Variants in ZCCHC7 observed in about 807,000 individuals in gnomAD.
ZCCHC7 encodes zinc finger CCHC-type containing 7.
In ZCCHC7, 35 loss-of-function variants were observed where a neutral mutation model predicts 52.0. The ratio of observed to expected loss-of-function variants is 0.67; its 90% CI spans 0.51 to 0.89. The LOEUF is 0.89. Among genes scored for constraint, ZCCHC7 ranks in the 40% least tolerant of loss-of-function variants. ZCCHC7 has a pLI of 0.00. For missense variants in ZCCHC7, 574 were observed against 649.1 expected (o/e 0.88, Z 1.26); for synonymous variants, 217 against 221.5 (o/e 0.98, Z 0.18).
intron 2 of ZCCHC7, among the ~76,000 whole-genome samples, chr9:37,253,767 G>A (rs1360526916): frequency 1.3e-5 from 2 of 151,852 alleles, no homozygotes; most frequent in East Asian, 1.9e-4. Flanking sequence ...AAACAAAACC[G>A]TTTTTATGAT....
chr9:37,171,174 G>A (rs2132979087), intron 2 of ZCCHC7, among the ~76,000 whole-genome samples: 1 of 152,340 alleles, frequency 6.6e-6, no homozygotes, highest in Non-Finnish European at 1.5e-5. Flanking sequence ...GGGAAGAAAT[G>A]TGTACAATTG....
chr9:37,323,991 A>G (rs1830147697), intron 5 of ZCCHC7, among the ~76,000 whole-genome samples: 1 of 152,168 alleles, frequency 6.6e-6, no homozygotes, highest in Admixed American at 6.5e-5. Flanking sequence ...TGCATATGGA[A>G]CAGTTAAGAT....
chr9:37,332,021 G>T (rs1454470203), intron 6 of ZCCHC7, among the ~76,000 whole-genome samples: 1 of 151,470 alleles, frequency 6.6e-6, no homozygotes, highest in Non-Finnish European at 1.5e-5. Context: ...TTTTGTTTTG[G>T]TAGTTCAACT....
chr9:37,206,197 A>G (rs765473376), intron 2 of ZCCHC7, among the ~76,000 whole-genome samples: 5 of 152,028 alleles, frequency 3.3e-5, no homozygotes, highest in South Asian at 2.1e-4. Context: ...CCATCCCCAC[A>G]CAAGAGAATA....
intron 2 of ZCCHC7, among the ~76,000 whole-genome samples, chr9:37,281,034 A>G (rs895954125): frequency 5.9e-5 from 9 of 152,158 alleles, no homozygotes; most frequent in African/African-American, 2.4e-5. Context: ...GTTTCTTAAC[A>G]TTTTTCATAA....
chr9:37,174,231 C>T (rs1821893504), intron 2 of ZCCHC7, among the ~76,000 whole-genome samples: 2 of 152,082 alleles, frequency 1.3e-5, no homozygotes, highest in African/African-American at 2.4e-5. Context: ...ATCGCTTGAA[C>T]CTGGGAGGCG....
chr9:37,243,011 C>G (rs919091634), intron 2 of ZCCHC7, among the ~76,000 whole-genome samples: 1 of 151,712 alleles, frequency 6.6e-6, no homozygotes, highest in Admixed American at 6.6e-5. Flanking sequence ...ATAAGAAGCA[C>G]ATTTATTTTT....
At chr9:37,139,627 T>C (rs2132761538) in intron 2 of ZCCHC7, among the ~76,000 whole-genome samples, 1 of 152,124 alleles carries the variant, frequency 6.6e-6, no homozygotes, top group Non-Finnish European at 1.5e-5. Flanking sequence ...AGAGCATCTG[T>C]TCTTAATCTC....
chr9:37,145,996 T>C (rs1372947615), intron 2 of ZCCHC7, among the ~76,000 whole-genome samples: 2 of 151,952 alleles, frequency 1.3e-5, no homozygotes, highest in Non-Finnish European at 2.9e-5. Context: ...TGAATATACC[T>C]GTAGGCTGAT....
chr9:37,304,337 T>C (rs767611704), intron 4 of ZCCHC7, 24 bp downstream of exon 4: 6 of 1,609,890 alleles, frequency 3.7e-6, no homozygotes, highest in Middle Eastern at 1.6e-4. Flanking sequence ...GCTTTGCTTC[T>C]TTCCACATTT....
At chr9:37,181,996 T>C (rs886686598) in intron 2 of ZCCHC7, among the ~76,000 whole-genome samples, 1 of 152,052 alleles carries the variant, frequency 6.6e-6, no homozygotes, top group Non-Finnish European at 1.5e-5. Context: ...AACAGATGAT[T>C]TTTATGGTGT....
intron 6 of ZCCHC7, among the ~76,000 whole-genome samples, chr9:37,334,878 G>T (rs544395065): frequency 6.6e-6 from 1 of 152,144 alleles, no homozygotes; most frequent in African/African-American, 2.4e-5. Context: ...CCAGTACATA[G>T]ATACCGCACA....
intron 2 of ZCCHC7, among the ~76,000 whole-genome samples, chr9:37,149,417 T>G (rs1453225538): frequency 6.6e-6 from 1 of 152,142 alleles, no homozygotes; most frequent in Non-Finnish European, 1.5e-5. Context: ...CCACTTATTT[T>G]TTTTTAGCAG....
chr9:37,271,040 G>T (rs1256783406), intron 2 of ZCCHC7, among the ~76,000 whole-genome samples: 1 of 152,060 alleles, frequency 6.6e-6, no homozygotes, highest in Non-Finnish European at 1.5e-5. Flanking sequence ...AAATGAAAAA[G>T]GAATAGTTTG....
chr9:37,330,694 T>C (rs906816508), intron 6 of ZCCHC7, among the ~76,000 whole-genome samples: 4 of 151,712 alleles, frequency 2.6e-5, no homozygotes, highest in African/African-American at 9.7e-5. Context: ...TTCTGCTACA[T>C]TTTCAGATTT....
At chr9:37,338,979 C>T (rs1006010889) in intron 6 of ZCCHC7, among the ~76,000 whole-genome samples, 5 of 152,046 alleles carry the variant, frequency 3.3e-5, no homozygotes, top group African/African-American at 1.2e-4. Flanking sequence ...ATACATGTTT[C>T]AAAAATCTGC....
At chr9:37,328,540 A>G (rs1299073638) in intron 6 of ZCCHC7, among the ~76,000 whole-genome samples, 1 of 151,976 alleles carries the variant, frequency 6.6e-6, no homozygotes, top group Non-Finnish European at 1.5e-5. Context: ...CTTTTACTGT[A>G]TTAAATATGT....
chr9:37,304,092 C>T (rs1245471701), intron 3 of ZCCHC7, 96 bp from the exon 4 acceptor site: 1 of 1,222,164 alleles, frequency 8.2e-7, no homozygotes, highest in Admixed American at 2.4e-5. Flanking sequence ...CTTGATGTAT[C>T]TTTATTTGCT....
intron 5 of ZCCHC7, among the ~76,000 whole-genome samples, chr9:37,314,304 G>T (rs2117856559): frequency 6.6e-6 from 1 of 152,150 alleles, no homozygotes; most frequent in African/African-American, 2.4e-5. Context: ...GAATCTTATG[G>T]CACTGAGGAA....
Sources: gnomAD v4.1 joint callset for allele counts (sites outside exome capture counted in the v4.1 genomes callset) on GRCh38, gnomAD v4.1.1 for gene constraint, MANE v1.5 for transcripts, NCBI Gene and HGNC (gene_info 2026-07-23, HGNC 2026-07-21) for gene names.